LURAP1: variants seen among roughly 807,000 people sequenced by gnomAD.
LURAP1 encodes the protein NF-kappa-B activator C1orf190.
Under a neutral mutation model 19.0 loss-of-function variants are expected in LURAP1, and 14 were observed. That is an observed-to-expected ratio of 0.74 (90% CI 0.49 to 1.15). LURAP1 has a LOEUF of 1.15. Ranked by LOEUF, LURAP1 falls within the 50% of genes most tolerant of loss-of-function variation. The probability of loss-of-function intolerance (pLI) is 0.00; values close to 1 mark genes in which losing one functional copy is unlikely to be tolerated. For missense variants in LURAP1, 273 were observed against 309.1 expected, an observed-to-expected ratio of 0.88 and a Z score of 0.87; for synonymous variants, 129 against 131.8, an observed-to-expected ratio of 0.98 and a Z score of 0.14.
At position 46,203,384 on chromosome 1, in the gene LURAP1, C is replaced by G. The variant is rs180905105; in HGVS notation, c.-43C>G. The G allele has an allele frequency of 1.3e-5, 18 of 1,429,428 alleles. No individual in the cohort carries two copies. Among genetic ancestry groups the G allele is most frequent in the African/African-American group, 1.5e-5 (1 of 67,158 alleles). 88.5% of individuals were successfully genotyped at this position (1,429,428 alleles called of 1,614,324 possible). ...GAAGGGAGGACCCCCGGGAGCCGGT[C>G]CCCGGCGTCCGGTCGCCCAGCCCTT... is the stretch of plus-strand genomic sequence containing the variant. On this transcript the variant is annotated 5_prime_UTR_variant, in exon 1 of 2. Transcript: ENST00000371980.
intron 1 of LURAP1, among the ~76,000 whole-genome samples, chr1:46,216,080 G>A (rs1165388841): frequency 1.8e-5 from 2 of 109,210 alleles, no homozygotes; most frequent in Admixed American, 1.5e-4. Context: ...ACGGAGTCTC[G>A]CTGTTGCCCA....
Position 46,203,391 on chromosome 1 carries a change from G to C in LURAP1, c.-36G>C. 1.4e-6 allele frequency: 2 copies of C among 1,432,952 alleles called. No homozygotes were observed. Among genetic ancestry groups the C allele is most frequent in the Non-Finnish European group, 1.8e-6 (2 of 1,089,560 alleles). 88.8% of individuals were successfully genotyped at this position (1,432,952 alleles called of 1,614,324 possible). On this transcript the variant is annotated 5_prime_UTR_variant, in exon 1 of 2. Transcript: ENST00000371980. ...GGACCCCCGGGAGCCGGTCCCCGGC[G>C]TCCGGTCGCCCAGCCCTTTTCAGGC...
chr1:46,206,277 G>T (rs1025366873), intron 1 of LURAP1, among the ~76,000 whole-genome samples: 1 of 152,204 alleles, frequency 6.6e-6, no homozygotes, highest in Non-Finnish European at 1.5e-5. Flanking sequence ...GGTGGAGGGG[G>T]TAGAGGGAGA....
chr1:46,212,386 T>G (rs1288644140), intron 1 of LURAP1, among the ~76,000 whole-genome samples: 1 of 151,734 alleles, frequency 6.6e-6, no homozygotes, highest in African/African-American at 2.4e-5. Context: ...GTTCATGCCA[T>G]TCTCCTGCCT....
chr1:46,212,747 T>G (rs1328430997), intron 1 of LURAP1, among the ~76,000 whole-genome samples: 1 of 151,582 alleles, frequency 6.6e-6, no homozygotes, highest in Non-Finnish European at 1.5e-5. Context: ...TGGCTAATTT[T>G]TTATTTTATT....
intron 1 of LURAP1, among the ~76,000 whole-genome samples, chr1:46,207,629 C>A (rs1658761950): frequency 6.6e-6 from 1 of 150,972 alleles, no homozygotes; most frequent in African/African-American, 2.4e-5. Context: ...AGCTCCGCCT[C>A]CTGGGTTCAG....
chr1:46,204,618 C>T (rs1029697129), intron 1 of LURAP1, among the ~76,000 whole-genome samples: 2 of 152,154 alleles, frequency 1.3e-5, no homozygotes, highest in Non-Finnish European at 2.9e-5. Context: ...GCCAGGGCTC[C>T]GACGCCTGAG....
rs1440933775 is a variant in LURAP1 at position 46,212,571 on chromosome 1, GCA to G, written c.199-7126_199-7125del. ...GCTGGGATTACAGGCGTGAGCCACT[GCA>G]CCCGGCCAAATTTTTTTTTTTGAAT... On this transcript the variant is annotated intron_variant, in intron 1 of 1. Coordinates refer to ENST00000371980, the MANE Select transcript of LURAP1 (RefSeq NM_001013615.3). Among the ~76,000 whole-genome samples, 519 of 151,588 alleles carry G rather than the reference GCA, an allele frequency of 3.4e-3. 1 individual carries two copies. The highest frequency in any genetic ancestry group is 5.7e-3 in the Non-Finnish European group (388 of 67,874).
At chr1:46,211,246 C>T (rs1658884904) in intron 1 of LURAP1, among the ~76,000 whole-genome samples, 1 of 152,140 alleles carries the variant, frequency 6.6e-6, no homozygotes, top group Admixed American at 6.6e-5. Context: ...GGGTATGAGT[C>T]AGGACCTTCT....
rs551623358 is a variant in LURAP1, at chr1:46,220,422, CTCTT to C, written c.*220_*223del. ...TTATTGGGTCCCTAGAGCTAGCTTG[CTCTT>C]TCTTTCTTTCTTTCTTTTTTTGAGA... On this transcript the variant is annotated 3_prime_UTR_variant, in exon 2 of 2. Transcript: ENST00000371980. 8.4e-4 allele frequency: 475 copies of C among 568,804 alleles called. 1 individual carries two copies. Among genetic ancestry groups the C allele is most frequent in the Middle Eastern group, 1.8e-3 (4 of 2,276 alleles). The allele number at this position is 568,804 out of a possible 1,614,324, so 35.2% of individuals were successfully genotyped here.
chr1:46,216,734 C>T (rs185175829), intron 1 of LURAP1, among the ~76,000 whole-genome samples: 5 of 152,254 alleles, frequency 3.3e-5, no homozygotes, highest in Admixed American at 3.3e-4. Context: ...CTGTTGAACC[C>T]ATCACCCAGG....
At chr1:46,212,015 A>T (rs1658912294) in intron 1 of LURAP1, among the ~76,000 whole-genome samples, 2 of 151,858 alleles carry the variant, frequency 1.3e-5, no homozygotes, top group African/African-American at 4.8e-5. Context: ...TCCCACCTCG[A>T]CCTCCCAAAG....
intron 1 of LURAP1, among the ~76,000 whole-genome samples, chr1:46,204,192 G>T (rs1658640817): frequency 6.6e-6 from 1 of 152,156 alleles, no homozygotes; most frequent in Admixed American, 6.5e-5. Context: ...TAGACCCATA[G>T]CAGGGACAGA....
Position 46,221,172 on chromosome 1 carries a change from C to T in LURAP1, c.*952C>T, listed in dbSNP as rs1659228165. ...ACTTCTTGTGAACAGTAACATGTCACTCCTCCTGGCAGGAAAGTTTCTCAT... is the reference window on the plus strand; with the variant it reads ...ACTTCTTGTGAACAGTAACATGTCATTCCTCCTGGCAGGAAAGTTTCTCAT... On this transcript the variant is annotated 3_prime_UTR_variant, in exon 2 of 2. Transcript: ENST00000371980. 1 of 152,238 alleles carries T rather than the reference C, an allele frequency of 6.6e-6. No individual in the cohort carries two copies. The allele number at this position is 152,238 out of a possible 1,614,324, so 9.4% of individuals were successfully genotyped here. A position where few individuals can be genotyped will look rare whatever the true frequency, so the allele number is the denominator to read the frequency against.
At chr1:46,210,985 G>A (rs1168652197) in intron 1 of LURAP1, among the ~76,000 whole-genome samples, 1 of 136,050 alleles carries the variant, frequency 7.4e-6, no homozygotes, top group Non-Finnish European at 1.6e-5. Flanking sequence ...TCCCTGTGTT[G>A]CCCAGGCTGG....
intron 1 of LURAP1, among the ~76,000 whole-genome samples, chr1:46,212,809 G>T (rs1487796863): frequency 1.3e-5 from 2 of 151,606 alleles, no homozygotes; most frequent in Non-Finnish European, 2.9e-5. Flanking sequence ...GCCCAGGCTG[G>T]AGTGCAGTGG....
chr1:46,207,020 G>C (rs1208092501), intron 1 of LURAP1, among the ~76,000 whole-genome samples: 1 of 152,150 alleles, frequency 6.6e-6, no homozygotes, highest in African/African-American at 2.4e-5. Flanking sequence ...ATTGGAAGGA[G>C]GCACAGGCTG....
At chr1:46,218,841 C>T (rs995876987) in intron 1 of LURAP1, among the ~76,000 whole-genome samples, 2 of 152,038 alleles carry the variant, frequency 1.3e-5, no homozygotes, top group African/African-American at 4.8e-5. Context: ...TTTCCCCTCT[C>T]GGTGGCTGCT....
rs1490480940 is a variant in LURAP1 at position 46,203,594 on chromosome 1, G to A, written c.168G>A (p.Gly56=). The A allele has an allele frequency of 6.3e-7, 1 of 1,592,940 alleles. No individual in the cohort carries two copies. The highest frequency in any genetic ancestry group is 1.1e-5 in the South Asian group (1 of 88,740). ...PGASSTGHDL[G]DKIMALKMEL... is the part of the protein sequence containing the mutation. Reference sequence around the variant, plus strand: ...CGTCTAGCACCGGCCACGACTTGGGGGACAAGATCATGGCGCTGAAGATGG... The same window carrying A: ...CGTCTAGCACCGGCCACGACTTGGGAGACAAGATCATGGCGCTGAAGATGG... Residue 56 remains glycine, a synonymous_variant, in exon 1 of 2, where the codon GGG becomes GGA. Coordinates refer to ENST00000371980, the MANE Select transcript of LURAP1 (RefSeq NM_001013615.3).
Sources: allele counts gnomAD v4.1 joint callset (sites outside exome capture counted in the v4.1 genomes callset), GRCh38; gene constraint gnomAD v4.1.1; transcripts MANE v1.5; gene names NCBI Gene and HGNC (gene_info 2026-07-23, HGNC 2026-07-21).